CEP350: variants seen among roughly 807,000 people sequenced by gnomAD.
The protein encoded by CEP350 is centrosome-associated protein 350.
A neutral mutation model predicts 331.8 loss-of-function variants in CEP350; 126 were observed. The ratio of observed to expected loss-of-function variants is 0.38; its 90% CI spans 0.33 to 0.44. The LOEUF (loss-of-function observed/expected upper bound fraction) is 0.44, where lower values mean the gene tolerates loss of function less well. Ranked by LOEUF, CEP350 falls within the 20% of genes least tolerant of loss-of-function variation. CEP350 has a pLI of 1.00. For synonymous variants in CEP350, 1,200 were observed against 1,259.5 expected (o/e 0.95, Z 1.00); for missense variants, 3,406 against 3,634.6 (o/e 0.94, Z 1.62).
chr1:180,011,272 T>C (rs1333046220), intron 8 of CEP350, among the ~76,000 whole-genome samples: 1 of 152,198 alleles, frequency 6.6e-6, no homozygotes, highest in African/African-American at 2.4e-5. Flanking sequence ...AAAGTAATCA[T>C]TGTTAACTCT....
At chr1:180,082,406 G>A (rs1312551007) in intron 30 of CEP350, among the ~76,000 whole-genome samples, 1 of 152,132 alleles carries the variant, frequency 6.6e-6, no homozygotes, top group Non-Finnish European at 1.5e-5. Context: ...ATCAGTGTGT[G>A]TCAAATAATC....
intron 27 of CEP350, among the ~76,000 whole-genome samples, chr1:180,074,144 G>A (rs550389781): frequency 5.3e-5 from 8 of 152,168 alleles, no homozygotes; most frequent in South Asian, 2.1e-4. Flanking sequence ...ATACATGTAC[G>A]CATTTTTCTT....
intron 1 of CEP350, among the ~76,000 whole-genome samples, chr1:179,981,690 C>T (rs1461272511): frequency 6.6e-6 from 1 of 152,054 alleles, no homozygotes; most frequent in African/African-American, 2.4e-5. Context: ...GAATAGATAT[C>T]ATAAAACTGA....
At chr1:179,998,585 C>T (rs1225192569) in intron 6 of CEP350, among the ~76,000 whole-genome samples, 3 of 151,876 alleles carry the variant, frequency 2.0e-5, no homozygotes, top group African/African-American at 4.8e-5. Flanking sequence ...GGATTACAGG[C>T]GTGAATCACC....
At chr1:179,966,209 C>T (rs1001995155) in intron 1 of CEP350, among the ~76,000 whole-genome samples, 1 of 152,062 alleles carries the variant, frequency 6.6e-6, no homozygotes, top group Non-Finnish European at 1.5e-5. Context: ...TATTTGCCTT[C>T]TATAAAGAGT....
chr1:180,036,409 T>C (rs1199644893), intron 16 of CEP350, among the ~76,000 whole-genome samples: 1 of 152,198 alleles, frequency 6.6e-6, no homozygotes, highest in Admixed American at 6.5e-5. Context: ...TCCAGAGAAA[T>C]CTTTTGTGAA....
chr1:180,010,404 C>CTTTTTTT (rs60408983), intron 8 of CEP350, among the ~76,000 whole-genome samples: 1 of 119,808 alleles, frequency 8.3e-6, no homozygotes, highest in East Asian at 2.4e-4. Context: ...CCCATGTTTG[C>CTTTTTTT]TTTTTTTTTT....
chr1:180,098,771 T>G, intron 36 of CEP350, 92 bp from the exon 37 acceptor site: 1 of 993,808 alleles, frequency 1.0e-6, no homozygotes, highest in South Asian at 2.0e-5. Flanking sequence ...AAATATTATA[T>G]TCTTATCGTG....
chr1:180,110,747 T>A (rs1421577747), intron 37 of CEP350, among the ~76,000 whole-genome samples: 6 of 152,226 alleles, frequency 3.9e-5, no homozygotes, highest in Non-Finnish European at 8.8e-5. Context: ...ATACTGGTAA[T>A]CTTTAATATA....
chr1:180,082,503 T>C (rs1487511201), intron 30 of CEP350, among the ~76,000 whole-genome samples: 1 of 152,122 alleles, frequency 6.6e-6, no homozygotes, highest in African/African-American at 2.4e-5. Context: ...TTGGTAGAGA[T>C]GGGGTTTTGC....
At chr1:180,085,797 C>T (rs531838043) in intron 31 of CEP350, 25 of 152,296 alleles carry the variant, frequency 1.6e-4, no homozygotes, top group African/African-American at 6.0e-4. Flanking sequence ...ACCCATTGGT[C>T]CTTGTTGTGT....
At chr1:180,055,694 C>G (rs1028368773) in intron 25 of CEP350, among the ~76,000 whole-genome samples, 10 of 151,666 alleles carry the variant, frequency 6.6e-5, no homozygotes, top group Admixed American at 4.6e-4. Context: ...CTACAGCCCC[C>G]ACCACCGCGC....
rs372043616 is a variant in CEP350 at position 179,996,587 on chromosome 1, A to G, written c.430A>G (p.Ser144Gly). ...TGGTGCACCTTCCAATTTCAGTTCC[A>G]GCCATCTGGAATCAAAGCACGTATA... ...IHGAPSNFSS[S>G]HLESKHVYCV... is the part of the protein sequence containing the mutation. Residue 144 changes from serine to glycine, a missense_variant, in exon 6 of 38, where the codon AGC becomes GGC. By Grantham distance (56) the Ser-to-Gly change is moderately conservative. Transcript: ENST00000367607. The G allele has an allele frequency of 5.7e-6, 9 of 1,582,614 alleles. No homozygotes were observed. The highest frequency in any genetic ancestry group is 7.7e-6 in the Non-Finnish European group (9 of 1,163,088).
intron 19 of CEP350, among the ~76,000 whole-genome samples, chr1:180,042,046 T>C (rs960338392): frequency 6.6e-6 from 1 of 152,058 alleles, no homozygotes; most frequent in Non-Finnish European, 1.5e-5. Context: ...TGGTAAGCTT[T>C]TTAGAAAAAT....
chr1:180,030,465 A>G (rs1225364703), intron 14 of CEP350, among the ~76,000 whole-genome samples: 2 of 151,654 alleles, frequency 1.3e-5, no homozygotes, highest in Admixed American at 6.6e-5. Flanking sequence ...ATATTTTCCC[A>G]TGCTGCTGTT....
chr1:180,094,344 C>A lies in CEP350; in HGVS notation c.8239C>A (p.Gln2747Lys). ...SLNEEKKSKQ[Q>K]LEKISLLTDS... ...AAATGAGGAAAAAAAGTCAAAACAA[C>A]AACTGGAAAAAATCAGCTTACTGAC... The change falls in exon 34 of 38, where the codon CAA becomes AAA. Residue 2747 changes from glutamine (Q) to lysine (K), a missense_variant. Physicochemically the swap from Gln to Lys is moderately conservative, Grantham distance 53. Transcript: ENST00000367607. The A allele has an allele frequency of 4.3e-6, 7 of 1,613,850 alleles. No homozygotes were observed. Among genetic ancestry groups the A allele is most frequent in the Non-Finnish European group, 5.9e-6 (7 of 1,179,830 alleles).
At chr1:179,995,057 T>C (rs545252501) in intron 5 of CEP350, among the ~76,000 whole-genome samples, 2 of 152,200 alleles carry the variant, frequency 1.3e-5, no homozygotes, top group Non-Finnish European at 2.9e-5. Context: ...AAAAAAGATA[T>C]TTTACATTCC....
chr1:179,965,856 C>G (rs1047159636), intron 1 of CEP350, among the ~76,000 whole-genome samples: 1 of 151,952 alleles, frequency 6.6e-6, no homozygotes, highest in Non-Finnish European at 1.5e-5. Flanking sequence ...GAACTCCTGA[C>G]CTCAGGTGAT....
chr1:180,037,025 T>C lies in CEP350; in HGVS notation c.4046T>C (p.Val1349Ala), dbSNP rs753182627. Residue 1349 changes from valine (V) to alanine (A), a missense_variant, in exon 17 of 38, where the codon GTA becomes GCA. By Grantham distance (64) the Val-to-Ala change is moderately conservative (BLOSUM62 0). Coordinates refer to ENST00000367607, the MANE Select transcript of CEP350 (RefSeq NM_014810.5). ...GAGTCGGTGCGCCAACTGTCAGATG[T>C]AGAAAGAGTTAGAGGCATTTCACTT... is the stretch of plus-strand genomic sequence containing the variant. ...IEESVRQLSD[V>A]ERVRGISLAQ... 5.6e-6 allele frequency: 9 copies of C among 1,604,418 alleles called. No individual in the cohort carries two copies. The highest frequency in any genetic ancestry group is 7.7e-6 in the Non-Finnish European group (9 of 1,175,310).
Sources: allele counts gnomAD v4.1 joint callset (sites outside exome capture counted in the v4.1 genomes callset), GRCh38; gene constraint gnomAD v4.1.1; transcripts MANE v1.5; gene names NCBI Gene and HGNC (gene_info 2026-07-23, HGNC 2026-07-21).